LAMP2: variants seen among roughly 807,000 people sequenced by gnomAD.
The protein encoded by LAMP2 is lysosome associated membrane protein 2.
In LAMP2, 4 loss-of-function variants were observed where a neutral mutation model predicts 25.6. The ratio of observed to expected loss-of-function variants is 0.16; its 90% CI spans 0.08 to 0.36. The LOEUF is 0.36. Ranked by LOEUF, LAMP2 falls within the 10% of genes least tolerant of loss-of-function variation. The pLI is 1.00. For missense variants in LAMP2, 272 were observed against 301.4 expected (o/e 0.90, Z 0.72); for synonymous variants, 108 against 112.7 (o/e 0.96, Z 0.27).
At position 120,455,535 on chromosome X, in the gene LAMP2, T is replaced by C. The variant is rs1921054102; in HGVS notation, c.219A>G (p.Thr73=). 1.2e-5 allele frequency: 15 copies of C among 1,209,659 alleles called. No individual in the cohort carries two copies. The highest frequency in any genetic ancestry group is 1.7e-5 in the Non-Finnish European group (15 of 893,866). The part of the protein sequence containing the change: ...TVTISDHGTV[T]YNGSICGDDQ... ...CATCCCCACAAATGCTTCCATTATA[T>C]GTCACAGTGCCATGGTCTGAAATGG... The change falls in exon 3 of 9, where the codon ACA becomes ACG. Residue 73 remains threonine (T), a synonymous_variant. Coordinates refer to ENST00000200639, the MANE Select transcript of LAMP2 (RefSeq NM_002294.3).
chrX:120,428,928 T>C lies in LAMP2; in HGVS notation c.*2395A>G, dbSNP rs10127185. 14,804 of 746,631 alleles carry C rather than the reference T, an allele frequency of 0.02. 1,607 individuals carry two copies. The African/African-American group carries it at 0.31, about 16-fold the overall frequency. 61.5% of individuals were successfully genotyped at this position (746,631 alleles called of 1,213,427 possible). A position where few individuals can be genotyped will look rare whatever the true frequency, so the allele number is the denominator to read the frequency against. On this transcript the variant is annotated 3_prime_UTR_variant, in exon 9 of 9. Transcript: ENST00000200639. ...CTAATGACACTGGGTTAAGGAGCCA[T>C]CATCTACACTTAAAACCACTGCCTG...
At chrX:120,433,977 A>G (rs1458306365) in intron 8 of LAMP2, among the ~76,000 whole-genome samples, 1 of 111,768 alleles carries the variant, frequency 8.9e-6, no homozygotes, top group Admixed American at 9.5e-5. Context: ...TGCCAGTTCA[A>G]TTATTTGTTT....
chrX:120,427,634 A>G lies in LAMP2; in HGVS notation c.*3689T>C, dbSNP rs975386272. On this transcript the variant is annotated 3_prime_UTR_variant, in exon 9 of 9. Coordinates refer to ENST00000200639, the MANE Select transcript of LAMP2 (RefSeq NM_002294.3). ...ATGGGAGAGTGCAGGAGGCACACAA[A>G]CAAAGTATATAGAGTTTTTGTTTTC... Among the ~76,000 whole-genome samples, 6 of 112,089 alleles carry G rather than the reference A, an allele frequency of 5.4e-5. No homozygotes were observed. The highest frequency in any genetic ancestry group is 4.6e-3 in the Middle Eastern group (1 of 218).
chrX:120,466,532 G>T (rs1402885411), intron 1 of LAMP2, among the ~76,000 whole-genome samples: 5 of 111,516 alleles, frequency 4.5e-5, no homozygotes, highest in African/African-American at 1.6e-4. Flanking sequence ...AGCAAAGCCT[G>T]CCTCAAGGCC....
At chrX:120,467,046 T>C (rs1353419320) in intron 1 of LAMP2, among the ~76,000 whole-genome samples, 2 of 111,487 alleles carry the variant, frequency 1.8e-5, no homozygotes, top group Non-Finnish European at 3.8e-5. Flanking sequence ...TTCACCATGT[T>C]GGTCAGGCTG....
At chrX:120,432,358 T>A (rs1375634279) in intron 8 of LAMP2, among the ~76,000 whole-genome samples, 1 of 110,740 alleles carries the variant, frequency 9.0e-6, no homozygotes, top group Non-Finnish European at 1.9e-5. Context: ...GGGACCCAGG[T>A]CACAAAGGTA....
At chrX:120,459,143 C>A (rs771460646) in intron 1 of LAMP2, among the ~76,000 whole-genome samples, 1 of 111,968 alleles carries the variant, frequency 8.9e-6, no homozygotes, top group Non-Finnish European at 1.9e-5. Context: ...ATGCCATACT[C>A]TATTCAACCT....
chrX:120,442,780 T>G (rs2058579391), intron 6 of LAMP2, 118 bp from the exon 7 acceptor site: 2 of 570,791 alleles, frequency 3.5e-6, no homozygotes, highest in African/African-American at 4.5e-5. Flanking sequence ...GAAGAAATCA[T>G]GCGGTAGAAT....
At chrX:120,459,973 G>T (rs765485274) in intron 1 of LAMP2, among the ~76,000 whole-genome samples, 1 of 112,143 alleles carries the variant, frequency 8.9e-6, no homozygotes, top group Non-Finnish European at 1.9e-5. Flanking sequence ...CTAGAGAAAA[G>T]AAAATGTTAA....
Position 120,469,090 on chromosome X carries a change from G to A in LAMP2, c.64+16C>T, listed in dbSNP as rs780307352. ...GCCCAGGCGGACAGACTAATCGGGAGGGCCCGACAACTCACCCAGGACTAG... is the reference window on the plus strand; with the variant it reads ...GCCCAGGCGGACAGACTAATCGGGAAGGCCCGACAACTCACCCAGGACTAG... On this transcript the variant is annotated intron_variant, in intron 1 of 8. Transcript: ENST00000200639. The A allele has an allele frequency of 8.3e-7, 1 of 1,209,475 alleles. No individual in the cohort carries two copies. Among genetic ancestry groups the A allele is most frequent in the Non-Finnish European group, 1.1e-6 (1 of 893,083 alleles).
intron 1 of LAMP2, among the ~76,000 whole-genome samples, chrX:120,460,081 G>C (rs1257622371): frequency 9.0e-6 from 1 of 111,163 alleles, no homozygotes; most frequent in African/African-American, 3.3e-5. Context: ...AGGAGTTCGA[G>C]ACCAGCCTGG....
Position 120,439,227 on chromosome X carries a change from C to T in LAMP2, c.1093+2503G>A. 8.3e-7 allele frequency: 1 copy of T among 1,209,057 alleles called. No homozygotes were observed. Among genetic ancestry groups the T allele is most frequent in the Non-Finnish European group, 1.1e-6 (1 of 893,196 alleles). ...AGCAATCACTATAACGATAATCAAG[C>T]CTGAAAGACCAGCACCAACTATAAT... On this transcript the variant is annotated intron_variant, in intron 8 of 8. Transcript: ENST00000200639.
chrX:120,437,565 C>T (rs1387792725), intron 8 of LAMP2: 4 of 751,572 alleles, frequency 5.3e-6, no homozygotes, highest in Non-Finnish European at 6.3e-6. Context: ...AACTACCAAG[C>T]TGATGTATTT....
At position 120,436,523 on chromosome X, in the gene LAMP2, G is replaced by A. The variant is rs2058545457; in HGVS notation, c.1094-5061C>T. ...CTTAAGAAATAAAAGAATCTTTATT[G>A]TTTTAGAAGCAATTTTGAGCAAACA... On this transcript the variant is annotated intron_variant, in intron 8 of 8. Coordinates refer to ENST00000200639, the MANE Select transcript of LAMP2 (RefSeq NM_002294.3). 7 of 727,804 alleles carry A rather than the reference G, an allele frequency of 9.6e-6. No homozygotes were observed. The South Asian group carries it at 4.2e-4, about 44-fold the overall frequency. 60.0% of individuals were successfully genotyped at this position (727,804 alleles called of 1,213,427 possible). A position where few individuals can be genotyped will look rare whatever the true frequency, so the allele number is the denominator to read the frequency against.
chrX:120,455,300 A>AT, intron 3 of LAMP2, 57 bp downstream of exon 3: 1 of 962,142 alleles, frequency 1.0e-6, no homozygotes, highest in Non-Finnish European at 1.5e-6. Flanking sequence ...AATTGTTTAC[A>AT]TTTTTATCAT....
Position 120,431,430 on chromosome X carries a change from G to T in LAMP2, c.1126C>A (p.Leu376Ile), listed in dbSNP as rs1006753991. The part of the protein sequence containing the change: ...QDCSADDDNF[L>I]VPIAVGAALA... Reference sequence around the variant, plus strand: ...GCAGCTCCCACCGCTATGGGCACAAGGAAGTTGTCGTCATCTGCACTGCAG... The same window carrying T: ...GCAGCTCCCACCGCTATGGGCACAATGAAGTTGTCGTCATCTGCACTGCAG... Residue 376 changes from leucine to isoleucine, a missense_variant, in exon 9 of 9, where the codon CTT becomes ATT. Leu to Ile is a conservative substitution (Grantham distance 5). Transcript: ENST00000200639. 3.3e-6 allele frequency: 4 copies of T among 1,209,552 alleles called. No individual in the cohort carries two copies. In the African/African-American group the frequency reaches 7.0e-5, roughly 21 times the overall value.
Position 120,431,130 on chromosome X carries a change from T to C in LAMP2, c.*193A>G. ...AGTTTGTCTCCAGGACCAGTAAATA[T>C]GACACTTTGGATTTTAAGCTGATTA... On this transcript the variant is annotated 3_prime_UTR_variant, in exon 9 of 9. Coordinates refer to ENST00000200639, the MANE Select transcript of LAMP2 (RefSeq NM_002294.3). 1.9e-6 allele frequency: 2 copies of C among 1,076,706 alleles called. No individual in the cohort carries two copies. The highest frequency in any genetic ancestry group is 2.4e-6 in the Non-Finnish European group (2 of 827,737). 88.7% of individuals were successfully genotyped at this position (1,076,706 alleles called of 1,213,427 possible). A position where few individuals can be genotyped will look rare whatever the true frequency, so the allele number is the denominator to read the frequency against.
At chrX:120,455,054 T>C (rs1280539399) in intron 3 of LAMP2, among the ~76,000 whole-genome samples, 1 of 103,467 alleles carries the variant, frequency 9.7e-6, no homozygotes, top group Admixed American at 1.1e-4. Context: ...TACTAGGATA[T>C]ACATATATAT....
intron 8 of LAMP2, chrX:120,437,487 T>C (rs192936472): frequency 3.5e-5 from 26 of 748,282 alleles, no homozygotes; most frequent in Non-Finnish European, 3.9e-5. Context: ...AATTTTAATA[T>C]TTGCTCAGCC....
Sources: allele counts gnomAD v4.1 joint callset (sites outside exome capture counted in the v4.1 genomes callset), GRCh38; gene constraint gnomAD v4.1.1; transcripts MANE v1.5; gene names NCBI Gene and HGNC (gene_info 2026-07-23, HGNC 2026-07-21).